PJA2: variants seen among roughly 807,000 people sequenced by gnomAD.
The protein encoded by PJA2 is E3 ubiquitin-protein ligase Praja-2.
In PJA2, 25 loss-of-function variants were observed where a neutral mutation model predicts 69.3. The ratio of observed to expected loss-of-function variants is 0.36; its 90% confidence interval spans 0.26 to 0.50. The LOEUF is 0.50. PJA2 is among the 20% of genes least tolerant of loss of function. The pLI, the probability that PJA2 is intolerant of heterozygous loss-of-function variation, is 0.96. For synonymous variants in PJA2, 308 were observed against 277.8 expected (o/e 1.11, Z -1.08); for missense variants, 809 against 830.2 (o/e 0.97, Z 0.31).
chr5:109,342,051 G>T (rs1424402261), intron 9 of PJA2, among the ~76,000 whole-genome samples: 2 of 138,006 alleles, frequency 1.4e-5, no homozygotes, highest in Admixed American at 1.4e-4. Flanking sequence ...GAGGGAGGTG[G>T]GGGGGTCAGC....
chr5:109,398,472 T>C lies in PJA2; in HGVS notation c.-88+11370A>G, dbSNP rs1413948071. The stretch of plus-strand genomic sequence containing the variant: ...TAAAAAAAGGATGAGTTCATGTCCT[T>C]TGTGGGCACATGGATGAAGCTCGAA... On this transcript the variant is annotated intron_variant, in intron 1 of 9. Coordinates refer to ENST00000361189, the MANE Select transcript of PJA2 (RefSeq NM_014819.5). 2.6e-5 allele frequency among the ~76,000 whole-genome samples: 4 copies of C among 152,096 alleles called. 1 individual carries two copies. The highest frequency in any genetic ancestry group is 3.9e-4 in the East Asian group (2 of 5,192).
At chr5:109,387,123 T>C (rs1047550464) in intron 1 of PJA2, among the ~76,000 whole-genome samples, 13 of 152,186 alleles carry the variant, frequency 8.5e-5, no homozygotes, top group African/African-American at 2.4e-5. Flanking sequence ...TTTTACTTCT[T>C]TCCCTTAGCC....
intron 9 of PJA2, among the ~76,000 whole-genome samples, chr5:109,343,693 T>A (rs1371147497): frequency 6.6e-6 from 1 of 152,198 alleles, no homozygotes; most frequent in Non-Finnish European, 1.5e-5. Flanking sequence ...GTTAGTAAAA[T>A]AAAATATTTC....
chr5:109,335,066 T>C lies in PJA2; in HGVS notation c.*2165A>G, dbSNP rs553695405. ...TTTTATTAATATTCATACTTATTTC[T>C]AATTTACCTTCATATAGTCTTAACT... On this transcript the variant is annotated 3_prime_UTR_variant, in exon 10 of 10. Coordinates refer to ENST00000361189, the MANE Select transcript of PJA2 (RefSeq NM_014819.5). 6.5e-6 allele frequency: 1 copy of C among 152,774 alleles called. No homozygotes were observed. The highest frequency in any genetic ancestry group is 1.9e-4 in the East Asian group (1 of 5,196). The allele number at this position is 152,774 out of a possible 1,614,324, so 9.5% of individuals were successfully genotyped here. A position where few individuals can be genotyped will look rare whatever the true frequency, so the allele number is the denominator to read the frequency against.
intron 3 of PJA2, among the ~76,000 whole-genome samples, chr5:109,380,925 G>C (rs1035985314): frequency 1.3e-5 from 2 of 151,744 alleles, no homozygotes; most frequent in African/African-American, 2.4e-5. Flanking sequence ...GATCAGCCTG[G>C]CCAACGTGGT....
intron 1 of PJA2, among the ~76,000 whole-genome samples, chr5:109,396,123 C>A (rs1409869448): frequency 2.0e-5 from 3 of 151,842 alleles, no homozygotes; most frequent in African/African-American, 7.3e-5. Flanking sequence ...CAAGCCATTA[C>A]AGCAATATAT....
intron 9 of PJA2, among the ~76,000 whole-genome samples, chr5:109,341,867 G>A (rs1762070693): frequency 8.6e-6 from 1 of 115,832 alleles, no homozygotes; most frequent in Admixed American, 7.7e-5. Context: ...CCGTCCGGGA[G>A]GGAGGTGGGG....
intron 5 of PJA2, among the ~76,000 whole-genome samples, chr5:109,364,552 G>A (rs1762554636): frequency 6.7e-6 from 1 of 149,498 alleles, no homozygotes; most frequent in Non-Finnish European, 1.5e-5. Flanking sequence ...GAACCCGGGA[G>A]GCGGAGCTTG....
chr5:109,352,126 G>GCCACA (rs1210683437), intron 7 of PJA2, among the ~76,000 whole-genome samples: 1 of 152,084 alleles, frequency 6.6e-6, no homozygotes, highest in African/African-American at 2.4e-5. Context: ...TAGGAATAAT[G>GCCACA]CCACTGAGTT....
chr5:109,341,249 G>C (rs1022986806), intron 9 of PJA2, among the ~76,000 whole-genome samples: 2 of 147,968 alleles, frequency 1.4e-5, no homozygotes, highest in Admixed American at 6.7e-5. Flanking sequence ...ATCTCTGCCC[G>C]GCCGCCCATC....
chr5:109,368,829 G>C, intron 4 of PJA2, 83 bp from the exon 5 acceptor site: 1 of 1,381,600 alleles, frequency 7.2e-7, no homozygotes, highest in South Asian at 1.4e-5. Context: ...GATATGGTTT[G>C]GATCTGTGTC....
rs144748351 is a variant in PJA2, at chr5:109,344,238, G to A, written c.1953C>T (p.Pro651=). ...AAGGTTTGTGAAAGAAATGGTGACA[G>A]GGCAACTCTGTTGCTATATCATCCT... is the stretch of plus-strand genomic sequence containing the variant. ...YIKDDIATEL[P]CHHFFHKPCV... is the part of the protein sequence containing the mutation. Residue 651 remains proline, a synonymous_variant, in exon 9 of 10, where the codon CCC becomes CCT. Coordinates refer to ENST00000361189, the MANE Select transcript of PJA2 (RefSeq NM_014819.5). 1,173 of 1,611,862 alleles carry A rather than the reference G, an allele frequency of 7.3e-4. 7 individuals carry two copies. Among genetic ancestry groups the A allele is most frequent in the Middle Eastern group, 3.8e-3 (23 of 6,060 alleles).
chr5:109,401,878 A>T lies in PJA2; in HGVS notation c.-88+7964T>A, dbSNP rs1247948731. Among the ~76,000 whole-genome samples, 3 of 152,360 alleles carry T rather than the reference A, an allele frequency of 2.0e-5. No homozygotes were observed. The Middle Eastern group carries it at 0.01, about 518-fold the overall frequency. On this transcript the variant is annotated intron_variant, in intron 1 of 9. Coordinates refer to ENST00000361189, the MANE Select transcript of PJA2 (RefSeq NM_014819.5). ...CTGGCTAATGACTACCATACTAGAC[A>T]GCACAGGAATAAAACAAATATTACA...
At chr5:109,381,789 T>A in intron 2 of PJA2, 86 bp from the exon 3 acceptor site, 1 of 1,071,574 alleles carries the variant, frequency 9.3e-7, no homozygotes, top group Non-Finnish European at 1.4e-6. Flanking sequence ...TCAGTTTATA[T>A]TTTATTATTT....
At chr5:109,403,978 G>A (rs548118343) in intron 1 of PJA2, among the ~76,000 whole-genome samples, 293 of 152,142 alleles carry the variant, frequency 1.9e-3, no homozygotes, top group Middle Eastern at 3.4e-3. Context: ...GGCTGAGGCA[G>A]AAGAATCACT....
intron 2 of PJA2, 54 bp from the exon 3 acceptor site, chr5:109,381,757 C>T: frequency 2.0e-6 from 3 of 1,506,056 alleles, no homozygotes; most frequent in Non-Finnish European, 9.1e-7. Context: ...TTTATTCTTG[C>T]AACCTGTTGG....
At chr5:109,373,204 C>A (rs1476653686) in intron 4 of PJA2, among the ~76,000 whole-genome samples, 1 of 151,872 alleles carries the variant, frequency 6.6e-6, no homozygotes, top group Non-Finnish European at 1.5e-5. Context: ...TAAAATTCAG[C>A]AGTAGAAAAG....
chr5:109,366,006 T>G (rs950406945), intron 5 of PJA2, among the ~76,000 whole-genome samples: 2 of 152,228 alleles, frequency 1.3e-5, no homozygotes, highest in Admixed American at 1.3e-4. Context: ...GAAAATGTAC[T>G]AATTTATTCC....
intron 1 of PJA2, among the ~76,000 whole-genome samples, chr5:109,392,002 T>C (rs751697302): frequency 2.6e-5 from 4 of 152,234 alleles, no homozygotes; most frequent in Non-Finnish European, 5.9e-5. Flanking sequence ...GATTCAGTTT[T>C]ATGAATTTCA....
Sources: gnomAD v4.1 joint callset for allele counts (sites outside exome capture counted in the v4.1 genomes callset) on GRCh38, gnomAD v4.1.1 for gene constraint, MANE v1.5 for transcripts, NCBI Gene and HGNC (gene_info 2026-07-23, HGNC 2026-07-21) for gene names.